Variants in FLRT2 observed in about 807,000 individuals in gnomAD.
FLRT2 encodes leucine-rich repeat transmembrane protein FLRT2.
FLRT2 carries 15 observed loss-of-function variants against 40.0 expected under a neutral mutation model. The observed-to-expected ratio is 0.38, with a 90% CI of 0.25 to 0.58. The LOEUF is 0.58. Ranked by LOEUF, FLRT2 falls within the 20% of genes least tolerant of loss-of-function variation. The pLI is 0.71. For synonymous variants in FLRT2, 380 were observed against 336.8 expected (o/e 1.13, Z -1.41); for missense variants, 726 against 840.0 (o/e 0.86, Z 1.68).
At chr14:85,555,945 C>T (rs2139834414) in intron 1 of FLRT2, among the ~76,000 whole-genome samples, 1 of 152,078 alleles carries the variant, frequency 6.6e-6, no homozygotes, top group African/African-American at 2.4e-5. Context: ...CTTTTAAGGA[C>T]TTGAGGAAGA....
intron 1 of FLRT2, among the ~76,000 whole-genome samples, chr14:85,588,929 A>C (rs139574212): frequency 1.3e-5 from 2 of 152,206 alleles, no homozygotes; most frequent in East Asian, 3.9e-4. Flanking sequence ...AGTTCCATTC[A>C]TGTTGGATGG....
intron 1 of FLRT2, 44 bp from the exon 2 acceptor site, chr14:85,621,095 T>C (rs1893359184): frequency 5.6e-6 from 1 of 178,840 alleles, no homozygotes; most frequent in African/African-American, 2.4e-5. Flanking sequence ...CTTCTTTCAT[T>C]ACTGCCTTTA....
chr14:85,532,733 G>T (rs1395600495), intron 1 of FLRT2, among the ~76,000 whole-genome samples: 1 of 152,198 alleles, frequency 6.6e-6, no homozygotes, highest in Admixed American at 6.5e-5. Context: ...AACTAGTGAT[G>T]GGGTGAGGAG....
At chr14:85,532,619 A>C (rs933626844) in intron 1 of FLRT2, among the ~76,000 whole-genome samples, 8 of 152,188 alleles carry the variant, frequency 5.3e-5, no homozygotes, top group African/African-American at 1.9e-4. Context: ...CTCTTGCCAG[A>C]AGCAGCCAGG....
intron 1 of FLRT2, among the ~76,000 whole-genome samples, chr14:85,560,366 C>T (rs1461823266): frequency 6.6e-6 from 1 of 151,942 alleles, no homozygotes; most frequent in East Asian, 1.9e-4. Flanking sequence ...ATCACGAGGT[C>T]AAGTTCAAGA....
Position 85,645,285 on chromosome 14 carries a change from T to C in FLRT2, c.*21788T>C, listed in dbSNP as rs184279561. ...ATGTATACATGTGTATATATGTATA[T>C]ACATATATGTATATAGAAGTATATA... On this transcript the variant is annotated 3_prime_UTR_variant, in exon 2 of 2. Transcript: ENST00000330753. 2 of 149,298 alleles carry C rather than the reference T, an allele frequency of 1.3e-5. No individual in the cohort carries two copies. Among genetic ancestry groups the C allele is most frequent in the African/African-American group, 5.0e-5 (2 of 39,940 alleles). 9.2% of individuals were successfully genotyped at this position (149,298 alleles called of 1,614,324 possible).
rs901280957 is a variant in FLRT2, at chr14:85,621,645, G to A, written c.131G>A (p.Arg44Lys). Reference sequence around the variant, plus strand: ...TGCCCTAGTGTGTGCCGCTGCGACAGGAACTTTGTCTACTGTAATGAGCGA... The same window carrying A: ...TGCCCTAGTGTGTGCCGCTGCGACAAGAACTTTGTCTACTGTAATGAGCGA... The part of the protein sequence containing the change: ...LACPSVCRCD[R>K]NFVYCNERSL... Residue 44 changes from arginine to lysine, a missense_variant, in exon 2 of 2, where the codon AGG (arginine) becomes AAG (lysine). This residue lies in a region of FLRT2 where 106 missense variants were observed against 121.2 expected (regional missense o/e 0.87). Coordinates refer to ENST00000330753, the MANE Select transcript of FLRT2 (RefSeq NM_013231.6). The A allele has an allele frequency of 1.2e-6, 2 of 1,613,958 alleles. No individual in the cohort carries two copies. The highest frequency in any genetic ancestry group is 1.7e-5 in the Admixed American group (1 of 59,998).
At chr14:85,550,431 G>A (rs1346439601) in intron 1 of FLRT2, among the ~76,000 whole-genome samples, 3 of 152,200 alleles carry the variant, frequency 2.0e-5, no homozygotes, top group Non-Finnish European at 2.9e-5. Context: ...TGAGTTCACT[G>A]TAGACCACAT....
intron 1 of FLRT2, among the ~76,000 whole-genome samples, chr14:85,584,486 G>A (rs1426093165): frequency 6.6e-6 from 1 of 152,178 alleles, no homozygotes; most frequent in African/African-American, 2.4e-5. Flanking sequence ...GCTCAATACA[G>A]TCAGATTTTG....
intron 1 of FLRT2, among the ~76,000 whole-genome samples, chr14:85,570,019 A>G (rs1019784889): frequency 1.3e-5 from 2 of 152,198 alleles, no homozygotes; most frequent in Middle Eastern, 3.2e-3. Flanking sequence ...GCCTTACAGA[A>G]ATCAAAAACA....
At chr14:85,574,427 A>T (rs1458639844) in intron 1 of FLRT2, among the ~76,000 whole-genome samples, 1 of 152,136 alleles carries the variant, frequency 6.6e-6, no homozygotes, top group Non-Finnish European at 1.5e-5. Context: ...GAGCCAGGAA[A>T]ATCTCAATTC....
chr14:85,596,412 C>T (rs1892140162), intron 1 of FLRT2, among the ~76,000 whole-genome samples: 1 of 152,192 alleles, frequency 6.6e-6, no homozygotes, highest in African/African-American at 2.4e-5. Flanking sequence ...GGAGCTCCAG[C>T]ACATTTGTTA....
rs1465277582 is a variant in FLRT2, at chr14:85,652,654, CAT to C, written c.*29159_*29160del. On this transcript the variant is annotated 3_prime_UTR_variant, in exon 2 of 2. Coordinates refer to ENST00000330753, the MANE Select transcript of FLRT2 (RefSeq NM_013231.6). ...GAGCTTCATCTATTAGTGAGTCAAT[CAT>C]AGGATTTTCACACATGGCTTTTGTT... The C allele has an allele frequency of 1.3e-5, 2 of 152,054 alleles. No homozygotes were observed. The highest frequency in any genetic ancestry group is 2.9e-5 in the Non-Finnish European group (2 of 67,990). 9.4% of individuals were successfully genotyped at this position (152,054 alleles called of 1,614,324 possible).
At chr14:85,618,735 G>A (rs1387955096) in intron 1 of FLRT2, among the ~76,000 whole-genome samples, 2 of 152,188 alleles carry the variant, frequency 1.3e-5, no homozygotes, top group Non-Finnish European at 2.9e-5. Context: ...AAACATGAAT[G>A]ATTAAATAAG....
intron 1 of FLRT2, among the ~76,000 whole-genome samples, chr14:85,550,338 A>G (rs148073490): frequency 2.0e-3 from 306 of 152,336 alleles, no homozygotes; most frequent in Non-Finnish European, 3.5e-3. Flanking sequence ...AGAAAACCCT[A>G]GGGAATGGCT....
In FLRT2 at chr14:85,639,851, C is replaced by CTTTTTTTTTTTTTTTTTTTTTTTTT. The variant is rs869148428; in HGVS notation, c.*16369_*16370insTTTTTTTTTTTTTTTTTTTTTTTTT. On this transcript the variant is annotated 3_prime_UTR_variant, in exon 2 of 2. Coordinates refer to ENST00000330753, the MANE Select transcript of FLRT2 (RefSeq NM_013231.6). ...GAAATTCTTTATTTTTTTTTTTTTC[C>CTTTTTTTTTTTTTTTTTTTTTTTTT]TTTTTTTTTTTTTTTGAGACAGTGT... 1 of 119,250 alleles carries CTTTTTTTTTTTTTTTTTTTTTTTTT rather than the reference C, an allele frequency of 8.4e-6. No individual in the cohort carries two copies. The allele number at this position is 119,250 out of a possible 1,614,324, so 7.4% of individuals were successfully genotyped here. A position where few individuals can be genotyped will look rare whatever the true frequency, so the allele number is the denominator to read the frequency against.
chr14:85,652,610 T>A lies in FLRT2; in HGVS notation c.*29113T>A, dbSNP rs1035981124. 2.8e-4 allele frequency: 43 copies of A among 152,246 alleles called. No homozygotes were observed. Among genetic ancestry groups the A allele is most frequent in the Admixed American group, 2.7e-3 (41 of 15,284 alleles). 9.4% of individuals were successfully genotyped at this position (152,246 alleles called of 1,614,324 possible). A position where few individuals can be genotyped will look rare whatever the true frequency, so the allele number is the denominator to read the frequency against. On this transcript the variant is annotated 3_prime_UTR_variant, in exon 2 of 2. Transcript: ENST00000330753. ...AAATTTAAGATGACATTATGACTTA[T>A]TAGGCCACAGTTAAATATGAGCTTC...
At chr14:85,552,738 T>C (rs1178240518) in intron 1 of FLRT2, 1 of 152,188 alleles carries the variant, frequency 6.6e-6, no homozygotes, top group Non-Finnish European at 1.5e-5. Context: ...TGCAGACAGG[T>C]AAGACACGGA....
intron 1 of FLRT2, among the ~76,000 whole-genome samples, chr14:85,531,986 A>G (rs533178057): frequency 6.6e-6 from 1 of 152,330 alleles, no homozygotes; most frequent in South Asian, 2.1e-4. Context: ...TCGTCTTAAC[A>G]TGATTTAGGC....
Sources: allele counts gnomAD v4.1 joint callset (sites outside exome capture counted in the v4.1 genomes callset), GRCh38; gene constraint gnomAD v4.1.1; regional missense constraint gnomAD v4.1.1; transcripts MANE v1.5; gene names NCBI Gene and HGNC (gene_info 2026-07-23, HGNC 2026-07-21).